APBB2: variants seen among roughly 807,000 people sequenced by gnomAD.
APBB2 encodes the protein Fe65-like 1.
Under a neutral mutation model 82.5 loss-of-function variants are expected in APBB2, and 38 were observed. That is an observed-to-expected ratio of 0.46 (90% CI 0.36 to 0.60). The LOEUF is 0.60. Among genes scored for constraint, APBB2 ranks in the 20% least tolerant of loss-of-function variants. The pLI is 0.00. For missense variants in APBB2, 772 were observed against 972.3 expected (o/e 0.79, Z 2.74); for synonymous variants, 341 against 368.2 (o/e 0.93, Z 0.85).
intron 2 of APBB2, among the ~76,000 whole-genome samples, chr4:41,128,910 C>A (rs149852338): frequency 6.6e-4 from 100 of 152,288 alleles, no homozygotes; most frequent in African/African-American, 2.0e-3. Flanking sequence ...CAGCCCCTTG[C>A]ATCCTTTACC....
At position 40,874,791 on chromosome 4, in the gene APBB2, A is replaced by AC. The variant is rs1446533774; in HGVS notation, c.1529+15572_1529+15573insG. Among the ~76,000 whole-genome samples, 13 of 152,296 alleles carry AC rather than the reference A, an allele frequency of 8.5e-5. No homozygotes were observed. The East Asian group carries it at 2.3e-3, about 27-fold the overall frequency. On this transcript the variant is annotated intron_variant, in intron 12 of 17. Coordinates refer to ENST00000508593, the MANE Select transcript of APBB2 (RefSeq NM_004307.2). ...TAGAACATTGCATACAGTGTTTCCCAAAATTATGTGAGTGTGGAATCTCTT... is the reference window on the plus strand; with the variant it reads ...TAGAACATTGCATACAGTGTTTCCCACAAATTATGTGAGTGTGGAATCTCTT...
chr4:41,117,662 T>C (rs1355882234), intron 2 of APBB2, among the ~76,000 whole-genome samples: 2 of 152,112 alleles, frequency 1.3e-5, no homozygotes, highest in Admixed American at 6.5e-5. Flanking sequence ...GCCCAAGTCA[T>C]AGGATTGGTG....
intron 5 of APBB2, among the ~76,000 whole-genome samples, chr4:41,021,389 A>T (rs1205087559): frequency 1.3e-5 from 2 of 152,174 alleles, no homozygotes; most frequent in Non-Finnish European, 2.9e-5. Context: ...TCGAGTGGGG[A>T]CTTGGAGAAC....
chr4:41,042,504 T>C (rs1721914341), intron 4 of APBB2, among the ~76,000 whole-genome samples: 1 of 152,192 alleles, frequency 6.6e-6, no homozygotes, highest in East Asian at 1.9e-4. Context: ...AACTGTGTTG[T>C]TTTGGCCAAC....
intron 3 of APBB2, among the ~76,000 whole-genome samples, chr4:41,073,443 A>T (rs1004667187): frequency 6.6e-6 from 1 of 152,174 alleles, no homozygotes; most frequent in Admixed American, 6.5e-5. Flanking sequence ...CTTCACATAT[A>T]TTACCTTATT....
Position 40,823,770 on chromosome 4 carries a change from A to G in APBB2, c.1817-11T>C. ...TCAAAATATCCATTCCTGGGGACAG[A>G]AAAGGATAATTTAAAGTGTCCTAAA... On this transcript the variant is annotated splice_polypyrimidine_tract_variant and intron_variant, in intron 15 of 17. Coordinates refer to ENST00000508593, the MANE Select transcript of APBB2 (RefSeq NM_004307.2). 6.3e-7 allele frequency: 1 copy of G among 1,588,814 alleles called. No individual in the cohort carries two copies. The highest frequency in any genetic ancestry group is 8.6e-7 in the Non-Finnish European group (1 of 1,159,878).
intron 6 of APBB2, among the ~76,000 whole-genome samples, chr4:40,968,304 G>A (rs2154396995): frequency 6.6e-6 from 1 of 152,168 alleles, no homozygotes; most frequent in Admixed American, 6.5e-5. Context: ...TTCAGAAACT[G>A]ACTCCAGAAA....
At position 40,832,013 on chromosome 4, in the gene APBB2, T is replaced by TATATAC. The variant is rs777910826; in HGVS notation, c.1530-1437_1530-1436insGTATAT. ...ACACATATTTATATATTTATTTATA[T>TATATAC]ACACACACACACACACACACACACA... is the stretch of plus-strand genomic sequence containing the variant. On this transcript the variant is annotated intron_variant, in intron 12 of 17. Transcript: ENST00000508593. This position sits in a 1 kb window ranked among gnomAD's most constrained non-coding sequence, Gnocchi z 4.8. Among the ~76,000 whole-genome samples, 3,330 of 138,958 alleles carry TATATAC rather than the reference T, an allele frequency of 0.024. 93 individuals are homozygous for TATATAC. The highest frequency in any genetic ancestry group is 0.06 in the African/African-American group (2,216 of 37,122). The allele number at this position is 138,958 out of a possible 152,430, so 91.2% of individuals were successfully genotyped here.
chr4:41,181,052 T>C (rs934383112), intron 1 of APBB2, among the ~76,000 whole-genome samples: 8 of 152,210 alleles, frequency 5.3e-5, no homozygotes, highest in Non-Finnish European at 1.2e-4. Context: ...ATCCCATCAA[T>C]TACATTTAAA....
At chr4:40,934,270 C>T (rs1374832777) in intron 10 of APBB2, among the ~76,000 whole-genome samples, 186 bp downstream of exon 10, 1 of 152,060 alleles carries the variant, frequency 6.6e-6, no homozygotes, top group Non-Finnish European at 1.5e-5. Context: ...TCTAGAAATC[C>T]CCCCAAACCT....
intron 2 of APBB2, among the ~76,000 whole-genome samples, chr4:41,122,439 T>C (rs1346253606): frequency 2.0e-5 from 3 of 152,182 alleles, no homozygotes; most frequent in East Asian, 1.9e-4. Context: ...AGCAGATTAA[T>C]TGTCCTGAAG....
intron 1 of APBB2, among the ~76,000 whole-genome samples, chr4:41,188,848 A>G (rs1773658353): frequency 6.6e-6 from 1 of 152,138 alleles, no homozygotes; most frequent in African/African-American, 2.4e-5. Flanking sequence ...TGGGAGGCAC[A>G]GATGCAGTGA....
chr4:41,111,504 A>C (rs1488187241), intron 2 of APBB2, among the ~76,000 whole-genome samples: 2 of 152,244 alleles, frequency 1.3e-5, no homozygotes, highest in African/African-American at 4.8e-5. Context: ...TTTAAAGAGT[A>C]TATAACATGT....
Position 41,009,865 on chromosome 4 carries a change from T to A in APBB2, c.835+3718A>T, listed in dbSNP as rs183738475. 7.0e-3 allele frequency among the ~76,000 whole-genome samples: 1,073 copies of A among 152,334 alleles called. 6 individuals are homozygous for A. The highest frequency in any genetic ancestry group is 0.011 in the Non-Finnish European group (722 of 68,020). ...ATGTATATACTATATAAAACATACA[T>A]AATAAACACTAACTTTATCATTACA... On this transcript the variant is annotated intron_variant, in intron 6 of 17. Transcript: ENST00000508593.
Position 40,815,548 on chromosome 4 carries a change from C to CA in APBB2, c.*543dup, listed in dbSNP as rs1455162786. On this transcript the variant is annotated 3_prime_UTR_variant, in exon 18 of 18. Coordinates refer to ENST00000508593, the MANE Select transcript of APBB2 (RefSeq NM_004307.2). ...TGCCAGTTGGTTTCTATACTGATGC[C>CA]AACAGCCAATTTTGTCAACCAACAG... 1 of 153,216 alleles carries CA rather than the reference C, an allele frequency of 6.5e-6. No individual in the cohort carries two copies. Among genetic ancestry groups the CA allele is most frequent in the African/African-American group, 2.4e-5 (1 of 41,406 alleles). The allele number at this position is 153,216 out of a possible 1,614,324, so 9.5% of individuals were successfully genotyped here.
chr4:40,946,125 G>A lies in APBB2; in HGVS notation c.836-1052C>T, dbSNP rs13122073. On this transcript the variant is annotated intron_variant, in intron 6 of 17. Transcript: ENST00000508593. ...CGCACACCTGCAGTCCCAGTTACTC[G>A]GGAGGTGGAGGCAGGAGAAACGCTT... Among the ~76,000 whole-genome samples, 34 of 151,778 alleles carry A rather than the reference G, an allele frequency of 2.2e-4. No individual in the cohort carries two copies. The South Asian group carries it at 4.2e-3, about 19-fold the overall frequency.
intron 3 of APBB2, among the ~76,000 whole-genome samples, chr4:41,074,703 G>A (rs1033660675): frequency 6.0e-5 from 9 of 150,570 alleles, no homozygotes; most frequent in African/African-American, 1.5e-4. Flanking sequence ...TCCGCCTCCC[G>A]GGTTCACGCC....
chr4:41,179,036 C>A (rs1424643090), intron 1 of APBB2, among the ~76,000 whole-genome samples: 2 of 152,168 alleles, frequency 1.3e-5, no homozygotes, highest in African/African-American at 2.4e-5. Context: ...CTTGAGGGTC[C>A]ACCAGTGTGT....
At chr4:41,181,251 G>A (rs140560557) in intron 1 of APBB2, among the ~76,000 whole-genome samples, 2 of 152,212 alleles carry the variant, frequency 1.3e-5, no homozygotes, top group East Asian at 3.9e-4. Flanking sequence ...AGTTGCCAGG[G>A]GCAAGGCTAC....
Sources: gnomAD v4.1 joint callset for allele counts (sites outside exome capture counted in the v4.1 genomes callset) on GRCh38, gnomAD v4.1.1 for gene constraint, Gnocchi (gnomAD v3.1) non-coding constraint, MANE v1.5 for transcripts, NCBI Gene and HGNC (gene_info 2026-07-23, HGNC 2026-07-21) for gene names.